The following NEK7 variants were observed in gnomAD, a reference collection of about 807,000 sequenced individuals.
The protein encoded by NEK7 is serine/threonine-protein kinase Nek7.
In NEK7, 18 loss-of-function variants were observed where a neutral mutation model predicts 44.6. The observed-to-expected ratio is 0.40, with a 90% CI of 0.28 to 0.60. The LOEUF is 0.60. Among genes scored for constraint, NEK7 ranks in the 20% least tolerant of loss-of-function variants. NEK7 has a pLI of 0.38. For synonymous variants in NEK7, 130 were observed against 121.1 expected (o/e 1.07, Z -0.48); for missense variants, 256 against 366.5 (o/e 0.70, Z 2.46).
chr1:198,302,793 TTACA>T (rs1654927707), intron 9 of NEK7, among the ~76,000 whole-genome samples: 1 of 152,206 alleles, frequency 6.6e-6, no homozygotes, highest in Non-Finnish European at 1.5e-5. Flanking sequence ...CATTCCCACT[TTACA>T]TATGAGTAAG....
chr1:198,255,080 G>A (rs114003201), intron 3 of NEK7, among the ~76,000 whole-genome samples: 194 of 152,196 alleles, frequency 1.3e-3, no homozygotes, highest in Non-Finnish European at 2.1e-3. Flanking sequence ...TTAAATAAGA[G>A]TTCACAGAAT....
chr1:198,228,765 T>C (rs537935282), intron 1 of NEK7, among the ~76,000 whole-genome samples: 1 of 152,336 alleles, frequency 6.6e-6, no homozygotes, highest in East Asian at 1.9e-4. Flanking sequence ...AAGGAGATTT[T>C]GGGCTGAGAC....
chr1:198,294,449 C>A (rs947319427), intron 8 of NEK7, among the ~76,000 whole-genome samples: 2 of 151,996 alleles, frequency 1.3e-5, no homozygotes, highest in African/African-American at 4.8e-5. Context: ...TTCCTTTAGG[C>A]CATAGTCTAA....
At chr1:198,252,217 T>C (rs957673982) in intron 2 of NEK7, among the ~76,000 whole-genome samples, 7 of 152,168 alleles carry the variant, frequency 4.6e-5, no homozygotes, top group Non-Finnish European at 8.8e-5. Flanking sequence ...AGTTCTAGTT[T>C]GATTGCCCTG....
intron 2 of NEK7, among the ~76,000 whole-genome samples, chr1:198,241,940 A>G (rs1038252096): frequency 1.1e-4 from 16 of 152,228 alleles, no homozygotes; most frequent in African/African-American, 3.6e-4. Flanking sequence ...GTTTTCTTCC[A>G]TATCGTATCT....
At chr1:198,294,152 A>G (rs531281062) in intron 8 of NEK7, among the ~76,000 whole-genome samples, 1 of 152,072 alleles carries the variant, frequency 6.6e-6, no homozygotes, top group Admixed American at 6.5e-5. Context: ...TGTCCTTCCT[A>G]CTAAAGTGAC....
chr1:198,163,695 A>G (rs1664177137), intron 1 of NEK7, among the ~76,000 whole-genome samples: 1 of 152,168 alleles, frequency 6.6e-6, no homozygotes. Context: ...GGTTTATGGA[A>G]CGAATTATTT....
chr1:198,305,291 C>G (rs1473095572), intron 9 of NEK7, among the ~76,000 whole-genome samples: 1 of 152,096 alleles, frequency 6.6e-6, no homozygotes, highest in Non-Finnish European at 1.5e-5. Flanking sequence ...ATATGAAGTT[C>G]TTAATGTTAT....
At chr1:198,157,537 C>G (rs1663940581) in intron 1 of NEK7, among the ~76,000 whole-genome samples, 2 of 152,204 alleles carry the variant, frequency 1.3e-5, no homozygotes, top group Admixed American at 1.3e-4. Flanking sequence ...CCGCCAAGGG[C>G]GCCGCGGTAA....
intron 1 of NEK7, among the ~76,000 whole-genome samples, chr1:198,215,646 G>A (rs905564365): frequency 2.6e-5 from 4 of 152,054 alleles, no homozygotes; most frequent in African/African-American, 9.7e-5. Context: ...AGCCAAATAA[G>A]TATTGATTTC....
intron 4 of NEK7, among the ~76,000 whole-genome samples, chr1:198,263,875 T>C (rs904359968): frequency 4.6e-5 from 7 of 152,020 alleles, no homozygotes; most frequent in African/African-American, 1.7e-4. Context: ...AGCAGTACTT[T>C]TAAATTAAGA....
At chr1:198,188,232 G>A (rs545107649) in intron 1 of NEK7, among the ~76,000 whole-genome samples, 1 of 152,266 alleles carries the variant, frequency 6.6e-6, no homozygotes, top group South Asian at 2.1e-4. Flanking sequence ...GAGAATGCAA[G>A]GGGTAACACA....
chr1:198,297,013 G>C, intron 8 of NEK7, 114 bp from the exon 9 acceptor site: 1 of 638,784 alleles, frequency 1.6e-6, no homozygotes, highest in Admixed American at 3.2e-5. Flanking sequence ...AAATGCCCAG[G>C]TATCTCTATT....
chr1:198,260,885 G>GGA (rs761155871), intron 3 of NEK7, among the ~76,000 whole-genome samples: 3,757 of 152,088 alleles, frequency 0.025, 70 homozygotes, highest in African/African-American at 0.047. Flanking sequence ...CTGAGCCAAA[G>GGA]CTAAAATTCT....
At chr1:198,267,855 ACAGT>A (rs746403234) in intron 5 of NEK7, among the ~76,000 whole-genome samples, 3 of 151,238 alleles carry the variant, frequency 2.0e-5, no homozygotes, top group Non-Finnish European at 4.4e-5. Context: ...TTTTTCCTTC[ACAGT>A]CAGACACTTA....
At chr1:198,249,701 G>C (rs556846952) in intron 2 of NEK7, among the ~76,000 whole-genome samples, 50 of 149,336 alleles carry the variant, frequency 3.3e-4, no homozygotes, top group African/African-American at 1.2e-3. Flanking sequence ...AGAAGTGTCT[G>C]TTCATGTCCT....
intron 7 of NEK7, among the ~76,000 whole-genome samples, chr1:198,290,967 T>C (rs1251931070): frequency 1.3e-5 from 2 of 152,200 alleles, no homozygotes; most frequent in African/African-American, 4.8e-5. Context: ...GAATTCCTAA[T>C]CATTCTTTTC....
At chr1:198,277,841 T>A (rs1558091307) in intron 5 of NEK7, 120 bp from the exon 6 acceptor site, 3 of 615,640 alleles carry the variant, frequency 4.9e-6, no homozygotes, top group African/African-American at 1.9e-5. Context: ...GATCATATGC[T>A]TTTTAGTTGA....
chr1:198,253,639 G>A (rs748827669), intron 3 of NEK7, among the ~76,000 whole-genome samples: 2 of 152,156 alleles, frequency 1.3e-5, no homozygotes, highest in Admixed American at 1.3e-4. Flanking sequence ...AAATAAAAAC[G>A]AGGCAGATAA....
Sources: gnomAD v4.1 joint callset for allele counts (sites outside exome capture counted in the v4.1 genomes callset) on GRCh38, gnomAD v4.1.1 for gene constraint, MANE v1.5 for transcripts, NCBI Gene and HGNC (gene_info 2026-07-23, HGNC 2026-07-21) for gene names.